Variants in GRM7 observed in about 807,000 individuals in gnomAD.
GRM7 encodes the protein metabotropic glutamate receptor 7.
Under a neutral mutation model 84.5 loss-of-function variants are expected in GRM7, and 35 were observed. The observed-to-expected ratio is 0.41, with a 90% CI of 0.32 to 0.55. The LOEUF is 0.55. Among genes scored for constraint, GRM7 ranks in the 20% least tolerant of loss-of-function variants. The pLI is 0.19. For missense variants in GRM7, 1,003 were observed against 1,194.6 expected, an observed-to-expected ratio of 0.84 and a Z score of 2.36; for synonymous variants, 487 against 455.1, an observed-to-expected ratio of 1.07 and a Z score of -0.89.
chr3:7,418,601 T>C (rs1245827814), intron 5 of GRM7, among the ~76,000 whole-genome samples: 3 of 152,142 alleles, frequency 2.0e-5, no homozygotes, highest in African/African-American at 7.2e-5. Context: ...ACCAGCTGAG[T>C]GTGTTCACCC....
rs187881612 is a variant in GRM7 at position 7,411,084 on chromosome 3, G to A, written c.1034-3939G>A. ...GTGTTCTTCTTCACATCTCCTTCTC[G>A]CCTTCTCCTGTGTGTCTCTCTTCTG... On this transcript the variant is annotated intron_variant, in intron 4 of 9. Coordinates refer to ENST00000357716, the MANE Select transcript of GRM7 (RefSeq NM_000844.4). 6.6e-4 allele frequency among the ~76,000 whole-genome samples: 101 copies of A among 152,032 alleles called. No individual in the cohort carries two copies. In the East Asian group the frequency reaches 0.015, roughly 22 times the overall value.
At chr3:7,511,083 CAATT>C (rs1478303274) in intron 7 of GRM7, among the ~76,000 whole-genome samples, 4 of 152,098 alleles carry the variant, frequency 2.6e-5, no homozygotes, top group Non-Finnish European at 5.9e-5. Flanking sequence ...AAGGAAGAGA[CAATT>C]AATTACTTGG....
At chr3:7,646,426 T>TCA (rs1296261984) in intron 8 of GRM7, among the ~76,000 whole-genome samples, 179 of 152,154 alleles carry the variant, frequency 1.2e-3, no homozygotes, top group Middle Eastern at 3.4e-3. Flanking sequence ...ACTCCTGACC[T>TCA]GATGATCCAC....
At chr3:7,621,386 A>T (rs1697344210) in intron 8 of GRM7, among the ~76,000 whole-genome samples, 1 of 152,142 alleles carries the variant, frequency 6.6e-6, no homozygotes, top group Admixed American at 6.6e-5. Flanking sequence ...TATTAGTAGC[A>T]ACAAGAATTG....
chr3:7,236,510 G>A (rs1296192861), intron 2 of GRM7, among the ~76,000 whole-genome samples: 4 of 152,166 alleles, frequency 2.6e-5, no homozygotes, highest in Non-Finnish European at 5.9e-5. Flanking sequence ...GTGTGTGAAT[G>A]TGGGCTGGCC....
At chr3:7,566,613 T>C (rs1694283829) in intron 7 of GRM7, among the ~76,000 whole-genome samples, 1 of 151,954 alleles carries the variant, frequency 6.6e-6, no homozygotes, top group Non-Finnish European at 1.5e-5. Flanking sequence ...ATGGCTTTTC[T>C]ACTGGCAGAA....
At chr3:7,694,403 G>C (rs1456442107) in intron 9 of GRM7, 1 of 955,152 alleles carries the variant, frequency 1.0e-6, no homozygotes, top group African/African-American at 1.8e-5. Flanking sequence ...TCTTCTATTT[G>C]GTCTCTTGTA....
chr3:7,008,411 T>A (rs1695254927), intron 1 of GRM7, among the ~76,000 whole-genome samples: 1 of 152,204 alleles, frequency 6.6e-6, no homozygotes, highest in South Asian at 2.1e-4. Flanking sequence ...CTGATGACAA[T>A]TCACATCATC....
At chr3:7,336,197 G>A (rs1024875133) in intron 4 of GRM7, among the ~76,000 whole-genome samples, 3 of 152,054 alleles carry the variant, frequency 2.0e-5, no homozygotes, top group East Asian at 3.9e-4. Context: ...AATATGCCAC[G>A]ATCAAGTGGA....
intron 5 of GRM7, among the ~76,000 whole-genome samples, chr3:7,452,275 G>A (rs985994376): frequency 6.6e-6 from 1 of 152,142 alleles, no homozygotes; most frequent in Non-Finnish European, 1.5e-5. Flanking sequence ...GACCTTTCTA[G>A]AGTAAGCGAG....
chr3:7,520,319 G>A (rs2124989753), intron 7 of GRM7: 1 of 152,244 alleles, frequency 6.6e-6, no homozygotes, highest in Non-Finnish European at 1.5e-5. Flanking sequence ...AGGCAGGCAA[G>A]TTCTTATTGA....
At chr3:7,566,103 GTTTTTTTTTTTT>G (rs58178956) in intron 7 of GRM7, among the ~76,000 whole-genome samples, 82,188 of 131,890 alleles carry the variant, frequency 0.62, 23,793 homozygotes, top group East Asian at 0.78. Flanking sequence ...TGAATCAGCT[GTTTTTTTTTTTT>G]TTTTTTTTTT....
chr3:6,983,519 G>A (rs1212949550), intron 1 of GRM7, among the ~76,000 whole-genome samples: 1 of 152,036 alleles, frequency 6.6e-6, no homozygotes, highest in African/African-American at 2.4e-5. Context: ...ATGACATTGG[G>A]TGAATTATAT....
At chr3:7,272,182 T>A (rs747986874) in intron 2 of GRM7, among the ~76,000 whole-genome samples, 1 of 152,226 alleles carries the variant, frequency 6.6e-6, no homozygotes, top group Non-Finnish European at 1.5e-5. Flanking sequence ...CCCTTCTTTA[T>A]GTCATGTTCT....
intron 1 of GRM7, among the ~76,000 whole-genome samples, chr3:7,096,335 T>G (rs1698859812): frequency 6.6e-6 from 1 of 152,188 alleles, no homozygotes; most frequent in South Asian, 2.1e-4. Flanking sequence ...CCAGGACACC[T>G]GTACTTCTGA....
At chr3:7,078,955 A>G (rs1698187570) in intron 1 of GRM7, among the ~76,000 whole-genome samples, 1 of 152,100 alleles carries the variant, frequency 6.6e-6, no homozygotes, top group Non-Finnish European at 1.5e-5. Context: ...AAGAAATACA[A>G]TATCGTTTTT....
intron 2 of GRM7, among the ~76,000 whole-genome samples, chr3:7,260,139 T>C (rs73130212): frequency 0.045 from 6,813 of 151,926 alleles, 532 homozygotes; most frequent in African/African-American, 0.16. Context: ...TTTCAATGTT[T>C]TTTTTTTCTT....
chr3:7,559,622 C>A (rs1693923424), intron 7 of GRM7, among the ~76,000 whole-genome samples: 1 of 152,060 alleles, frequency 6.6e-6, no homozygotes, highest in Non-Finnish European at 1.5e-5. Flanking sequence ...TTTAAGCCAT[C>A]AATCACTCTA....
intron 8 of GRM7, among the ~76,000 whole-genome samples, chr3:7,660,582 T>G (rs1699400953): frequency 6.6e-6 from 1 of 152,162 alleles, no homozygotes; most frequent in Non-Finnish European, 1.5e-5. Context: ...TTCTCCAAAT[T>G]ATAATATAAA....
Sources: allele counts gnomAD v4.1 joint callset (sites outside exome capture counted in the v4.1 genomes callset), GRCh38; gene constraint gnomAD v4.1.1; transcripts MANE v1.5; gene names NCBI Gene and HGNC (gene_info 2026-07-23, HGNC 2026-07-21).